The following PCDH15 variants were observed in gnomAD, a reference collection of about 807,000 sequenced individuals.
The protein encoded by PCDH15 is protocadherin related 15, also known as protocadherin-15.
In PCDH15, 129 loss-of-function variants were observed where a neutral mutation model predicts 178.5. That is an observed-to-expected ratio of 0.72 (90% CI 0.63 to 0.84). The LOEUF (loss-of-function observed/expected upper bound fraction) is 0.84, where lower values mean the gene tolerates loss of function less well. PCDH15 is among the 40% of genes least tolerant of loss of function. The probability of loss-of-function intolerance (pLI) is 0.00; values close to 1 mark genes in which losing one functional copy is unlikely to be tolerated. For missense variants in PCDH15, 2,230 were observed against 2,099.9 expected (o/e 1.06, Z -1.21); for synonymous variants, 800 against 732.0 (o/e 1.09, Z -1.50).
intron 2 of PCDH15, among the ~76,000 whole-genome samples, chr10:55,490,382 A>T (rs2132127407): frequency 6.6e-6 from 1 of 151,920 alleles, no homozygotes; most frequent in East Asian, 2.0e-4. Context: ...CAATCTGCAC[A>T]CAAAACTCCA....
rs192073251 is a variant in PCDH15, at chr10:55,438,937, C to A, written c.-156+188688G>T. On this transcript the variant is annotated intron_variant, in intron 2 of 5. Transcript: ENST00000613346. ...TTTTTGAGACAGAGTCTCCCACTGT[C>A]ACCCAGGCTGGAGTGCAGTGGCACG... Among the ~76,000 whole-genome samples the A allele has an allele frequency of 5.9e-5, 9 of 151,782 alleles. No homozygotes were observed. The East Asian group carries it at 1.6e-3, about 26-fold the overall frequency.
At chr10:55,184,812 A>C (rs2132138496) in intron 1 of PCDH15, among the ~76,000 whole-genome samples, 1 of 152,088 alleles carries the variant, frequency 6.6e-6, no homozygotes, top group South Asian at 2.1e-4. Flanking sequence ...ACAAAGTTAA[A>C]CCACGGATAT....
At chr10:55,452,832 A>G (rs1291387814) in intron 2 of PCDH15, among the ~76,000 whole-genome samples, 1 of 152,148 alleles carries the variant, frequency 6.6e-6, no homozygotes, top group East Asian at 1.9e-4. Flanking sequence ...AACATTCAGA[A>G]TAAAGGATGT....
rs141335278 is a variant in PCDH15 at position 55,166,403 on chromosome 10, G to A, written c.-80+173C>T. On this transcript the variant is annotated intron_variant, in intron 2 of 5. Coordinates refer to the PCDH15 transcript ENST00000458638. ...CTACTTGATTAACTATTTTCTCTCC[G>A]TCTAGCTTATGTGAATCCAACATAA... is the stretch of plus-strand genomic sequence containing the variant. Among the ~76,000 whole-genome samples the A allele has an allele frequency of 2.0e-4, 30 of 152,206 alleles. No homozygotes were observed. The East Asian group carries it at 3.1e-3, about 16-fold the overall frequency.
chr10:55,401,534 A>G (rs558275476), intron 2 of PCDH15, among the ~76,000 whole-genome samples: 1 of 151,738 alleles, frequency 6.6e-6, no homozygotes, highest in Non-Finnish European at 1.5e-5. Context: ...GTAGCAGAGA[A>G]TAGATTGGGA....
At chr10:54,115,839 G>A (rs1383473600) in intron 15 of PCDH15, among the ~76,000 whole-genome samples, 1 of 152,130 alleles carries the variant, frequency 6.6e-6, no homozygotes, top group Non-Finnish European at 1.5e-5. Flanking sequence ...AGTAACCAAA[G>A]GGAAATACTG....
chr10:54,810,762 TA>T (rs1450454168), intron 3 of PCDH15, among the ~76,000 whole-genome samples: 7 of 152,188 alleles, frequency 4.6e-5, no homozygotes, highest in African/African-American at 1.7e-4. Flanking sequence ...ATAATTGCAA[TA>T]AAAAAACTAA....
intron 3 of PCDH15, among the ~76,000 whole-genome samples, chr10:54,884,269 C>T (rs2131809111): frequency 6.6e-6 from 1 of 151,902 alleles, no homozygotes; most frequent in Middle Eastern, 3.4e-3. Flanking sequence ...AATTTAGTGC[C>T]TGGGGATAAT....
chr10:54,005,772 G>A (rs1473339898), intron 20 of PCDH15, among the ~76,000 whole-genome samples: 3 of 151,882 alleles, frequency 2.0e-5, no homozygotes, highest in Non-Finnish European at 4.4e-5. Flanking sequence ...ACTAAAAATA[G>A]AGCTATCATA....
At chr10:54,077,788 C>T (rs561834831) in intron 17 of PCDH15, among the ~76,000 whole-genome samples, 8 of 152,296 alleles carry the variant, frequency 5.3e-5, no homozygotes, top group South Asian at 4.1e-4. Context: ...GCAGGCTGGG[C>T]GCAGTGGCTC....
chr10:54,119,008 C>T (rs2095167869), intron 15 of PCDH15, among the ~76,000 whole-genome samples: 1 of 152,008 alleles, frequency 6.6e-6, no homozygotes, highest in Admixed American at 6.6e-5. Context: ...ATCCCACCTG[C>T]ATGAAAAAGT....
intron 2 of PCDH15, among the ~76,000 whole-genome samples, chr10:54,552,481 A>G (rs1437944569): frequency 6.6e-6 from 1 of 152,204 alleles, no homozygotes; most frequent in Non-Finnish European, 1.5e-5. Context: ...TACAGGCATT[A>G]CAATGCAGTG....
At chr10:54,700,819 A>T (rs1416788000) in intron 1 of PCDH15, among the ~76,000 whole-genome samples, 1 of 151,966 alleles carries the variant, frequency 6.6e-6, no homozygotes, top group African/African-American at 2.4e-5. Flanking sequence ...AAATTCTCCA[A>T]CCTCACCCAA....
intron 8 of PCDH15, among the ~76,000 whole-genome samples, chr10:54,296,144 C>CAAAAAAAAAAAAAAAAAAAA (rs59721161): frequency 6.2e-5 from 3 of 48,222 alleles, no homozygotes; most frequent in East Asian, 8.4e-4. Flanking sequence ...GACTCCGTCT[C>CAAAAAAAAAAAAAAAAAAAA]AAAAAAAAAA....
chr10:54,102,291 G>C (rs1418629721), intron 15 of PCDH15, among the ~76,000 whole-genome samples: 1 of 152,230 alleles, frequency 6.6e-6, no homozygotes, highest in Non-Finnish European at 1.5e-5. Flanking sequence ...CCCCAGCAAT[G>C]TGCTGCAGTG....
At chr10:55,505,579 G>A (rs1840743170) in intron 2 of PCDH15, among the ~76,000 whole-genome samples, 1 of 150,904 alleles carries the variant, frequency 6.6e-6, no homozygotes, top group South Asian at 2.1e-4. Flanking sequence ...CATGTCTTAG[G>A]TAAAGTCTGT....
intron 2 of PCDH15, among the ~76,000 whole-genome samples, chr10:55,422,755 A>G (rs1838654179): frequency 6.6e-6 from 1 of 151,866 alleles, no homozygotes; most frequent in Non-Finnish European, 1.5e-5. Flanking sequence ...GAAGGCAATA[A>G]GGAATGAGGA....
At chr10:54,518,312 T>C (rs2082442036) in intron 3 of PCDH15, among the ~76,000 whole-genome samples, 1 of 151,882 alleles carries the variant, frequency 6.6e-6, no homozygotes. Context: ...GATAGACCGC[T>C]AGCAAGACTA....
At chr10:53,913,669 G>A (rs1409011899) in intron 25 of PCDH15, among the ~76,000 whole-genome samples, 3 of 151,506 alleles carry the variant, frequency 2.0e-5, no homozygotes, top group African/African-American at 2.4e-5. Flanking sequence ...GCGTGAACCC[G>A]GGAGGCAGAG....
Sources: gnomAD v4.1 joint callset for allele counts (sites outside exome capture counted in the v4.1 genomes callset) on GRCh38, gnomAD v4.1.1 for gene constraint, MANE v1.5 for transcripts, NCBI Gene and HGNC (gene_info 2026-07-23, HGNC 2026-07-21) for gene names.